GABRB3: variants seen among roughly 807,000 people sequenced by gnomAD.
GABRB3 encodes the protein gamma-aminobutyric acid type A receptor subunit beta3, also known as gamma-aminobutyric acid receptor subunit beta-3.
A neutral mutation model predicts 52.1 loss-of-function variants in GABRB3; 14 were observed. That is an observed-to-expected ratio of 0.27 (90% CI 0.18 to 0.42). The LOEUF is 0.42. GABRB3 is among the 10% of genes least tolerant of loss of function. GABRB3 has a pLI of 1.00. For synonymous variants in GABRB3, 260 were observed against 232.3 expected (o/e 1.12, Z -1.08); for missense variants, 307 against 609.1 (o/e 0.50, Z 5.22).
intron 3 of GABRB3, among the ~76,000 whole-genome samples, chr15:26,651,088 T>G (rs1887183282): frequency 1.3e-5 from 2 of 152,324 alleles, no homozygotes; most frequent in South Asian, 4.1e-4. Context: ...CCCTTTGCCC[T>G]CACTGACAGA....
intron 3 of GABRB3, chr15:26,629,018 G>A: frequency 6.5e-7 from 1 of 1,536,170 alleles, no homozygotes; most frequent in Non-Finnish European, 8.7e-7. Flanking sequence ...ACACGAGGGA[G>A]TCTCCCGGTA....
In GABRB3 at chr15:26,546,856, G is replaced by A. The variant is rs967520837; in HGVS notation, c.*937C>T. 1 of 151,594 alleles carries A rather than the reference G, an allele frequency of 6.6e-6. No homozygotes were observed. The highest frequency in any genetic ancestry group is 1.5e-5 in the Non-Finnish European group (1 of 67,930). 9.4% of individuals were successfully genotyped at this position (151,594 alleles called of 1,614,324 possible). On this transcript the variant is annotated 3_prime_UTR_variant, in exon 9 of 9. Transcript: ENST00000311550. ...TGCAAGGGGGAAAATCATCCTAGAT[G>A]GTTTTACCTTAGAGTAACGAATAAC...
At chr15:26,651,590 A>C (rs1887199243) in intron 3 of GABRB3, among the ~76,000 whole-genome samples, 1 of 152,224 alleles carries the variant, frequency 6.6e-6, no homozygotes, top group Non-Finnish European at 1.5e-5. Context: ...CAGAAAGGGA[A>C]ATAATTCTTA....
chr15:26,568,500 CTTTTTTTT>C lies in GABRB3; in HGVS notation c.683-775_683-768del, dbSNP rs11419760. The stretch of plus-strand genomic sequence containing the variant: ...TTTCTGTCTTATTTTGTTTTCCTTT[CTTTTTTTT>C]TTTTTTTGAGATGGAGTCTCGCTCT... On this transcript the variant is annotated intron_variant, in intron 6 of 8. Transcript: ENST00000311550. 2.2e-5 allele frequency among the ~76,000 whole-genome samples: 3 copies of C among 137,694 alleles called. No individual in the cohort carries two copies. In the Admixed American group the frequency reaches 2.2e-4, roughly 10 times the overall value. The allele number at this position is 137,694 out of a possible 152,430, so 90.3% of individuals were successfully genotyped here.
At chr15:26,697,364 C>T (rs1888774667) in intron 3 of GABRB3, among the ~76,000 whole-genome samples, 2 of 152,126 alleles carry the variant, frequency 1.3e-5, no homozygotes, top group Non-Finnish European at 2.9e-5. Flanking sequence ...TAGATTTCTG[C>T]TTGAGAAAGA....
chr15:26,693,771 G>A (rs1888656482), intron 3 of GABRB3, among the ~76,000 whole-genome samples: 1 of 152,182 alleles, frequency 6.6e-6, no homozygotes, highest in African/African-American at 2.4e-5. Flanking sequence ...CAACTGTTGG[G>A]AAAACATACT....
At chr15:26,706,432 T>A (rs1331031358) in intron 3 of GABRB3, among the ~76,000 whole-genome samples, 1 of 79,554 alleles carries the variant, frequency 1.3e-5, no homozygotes, top group Non-Finnish European at 3.2e-5. Flanking sequence ...GGAATCAAAT[T>A]GAGGGGTTTT....
chr15:26,677,092 C>T (rs1391774571), intron 3 of GABRB3, among the ~76,000 whole-genome samples: 1 of 152,074 alleles, frequency 6.6e-6, no homozygotes, highest in African/African-American at 2.4e-5. Context: ...ATCCCAGTTG[C>T]CTCTTTTGAC....
At chr15:26,671,807 G>C (rs886402845) in intron 3 of GABRB3, among the ~76,000 whole-genome samples, 1 of 152,112 alleles carries the variant, frequency 6.6e-6, no homozygotes, top group Non-Finnish European at 1.5e-5. Context: ...AGTGCCACGG[G>C]GGGACAAGGT....
At chr15:26,616,711 T>C (rs1256689870) in intron 4 of GABRB3, among the ~76,000 whole-genome samples, 1 of 152,164 alleles carries the variant, frequency 6.6e-6, no homozygotes, top group African/African-American at 2.4e-5. Context: ...TAGGTTATTA[T>C]ATAAAGTTTA....
In GABRB3 at chr15:26,621,316, G is replaced by A. The variant is rs2140536698; in HGVS notation, c.459C>T (p.Leu153=). 2 of 1,613,166 alleles carry A rather than the reference G, an allele frequency of 1.2e-6. No homozygotes were observed. Among genetic ancestry groups the A allele is most frequent in the East Asian group, 2.2e-5 (1 of 44,876 alleles). The part of the protein sequence containing the change: ...LHPDGTVLYG[L]RITTTAACMM... ...TGGTCCTGAAGAGGCACACAGACCT[G>A]AGCCCATACAGCACTGTCCCATCAG... The change falls in exon 4 of 9, where the codon CTC becomes CTT. Residue 153 remains leucine, a splice_region_variant and synonymous_variant. Transcript: ENST00000311550. The surrounding 1 kb of genome is among the most constrained non-coding windows in gnomAD (Gnocchi z 4.1).
chr15:26,672,462 C>A (rs145184649), intron 3 of GABRB3, among the ~76,000 whole-genome samples: 1 of 152,242 alleles, frequency 6.6e-6, no homozygotes, highest in African/African-American at 2.4e-5. Flanking sequence ...CTCTCTCTTT[C>A]CCCTAAGAAG....
At chr15:26,582,914 C>G (rs982029263) in intron 5 of GABRB3, among the ~76,000 whole-genome samples, 7 of 152,144 alleles carry the variant, frequency 4.6e-5, no homozygotes, top group Admixed American at 1.3e-4. Context: ...CTGAATACTA[C>G]TCAAATTGAA....
chr15:26,709,585 T>C lies in GABRB3; in HGVS notation c.240+62817A>G, dbSNP rs564639805. On this transcript the variant is annotated intron_variant, in intron 3 of 8. Transcript: ENST00000311550. ...CAGACTGGAGTGCAGTGGCGCCATC[T>C]CAGCTCACTGCAAGCTCTGCCTCCT... Among the ~76,000 whole-genome samples, 122 of 134,128 alleles carry C rather than the reference T, an allele frequency of 9.1e-4. 1 individual carries two copies. The highest frequency in any genetic ancestry group is 3.0e-3 in the African/African-American group (112 of 37,226). The allele number at this position is 134,128 out of a possible 152,430, so 88.0% of individuals were successfully genotyped here.
intron 3 of GABRB3, among the ~76,000 whole-genome samples, chr15:26,636,934 C>T (rs1815699748): frequency 6.6e-6 from 1 of 152,200 alleles, no homozygotes; most frequent in African/African-American, 2.4e-5. Flanking sequence ...CTCCCCATTC[C>T]TAGTCTAGGG....
At chr15:26,766,330 T>C (rs1763578665) in intron 3 of GABRB3, among the ~76,000 whole-genome samples, 1 of 152,222 alleles carries the variant, frequency 6.6e-6, no homozygotes, top group South Asian at 2.1e-4. Context: ...GAAAAGTCAG[T>C]TGATGAATTC....
chr15:26,635,216 C>T (rs1595500524), intron 3 of GABRB3, among the ~76,000 whole-genome samples: 1 of 120,206 alleles, frequency 8.3e-6, no homozygotes, highest in Non-Finnish European at 1.9e-5. Context: ...GGACAAGGCA[C>T]CCTCATCTCC....
chr15:26,759,424 C>T (rs1890752168), intron 3 of GABRB3, among the ~76,000 whole-genome samples: 1 of 152,138 alleles, frequency 6.6e-6, no homozygotes, highest in Admixed American at 6.5e-5. Context: ...CCATGCCCAG[C>T]TAATTTTTGT....
chr15:26,724,054 A>T (rs1889709648), intron 3 of GABRB3, among the ~76,000 whole-genome samples: 1 of 152,172 alleles, frequency 6.6e-6, no homozygotes, highest in Non-Finnish European at 1.5e-5. Flanking sequence ...GTCCACGTGT[A>T]CATCACTCTG....
Sources: allele counts gnomAD v4.1 joint callset (sites outside exome capture counted in the v4.1 genomes callset), GRCh38; gene constraint gnomAD v4.1.1; non-coding constraint Gnocchi (gnomAD v3.1); transcripts MANE v1.5; gene names NCBI Gene and HGNC (gene_info 2026-07-23, HGNC 2026-07-21).